ERAP1: variants seen among roughly 807,000 people sequenced by gnomAD.
ERAP1 encodes the protein adipocyte-derived leucine aminopeptidase.
A neutral mutation model predicts 103.7 loss-of-function variants in ERAP1; 86 were observed. The ratio of observed to expected loss-of-function variants is 0.83; its 90% CI spans 0.70 to 0.99. The LOEUF is 0.99. ERAP1 is among the 50% of genes least tolerant of loss of function. The pLI, the probability that ERAP1 is intolerant of heterozygous loss-of-function variation, is 0.00. For missense variants in ERAP1, 1,009 were observed against 1,128.4 expected, an observed-to-expected ratio of 0.89 and a Z score of 1.52; for synonymous variants, 398 against 402.4, an observed-to-expected ratio of 0.99 and a Z score of 0.13.
intron 3 of ERAP1, among the ~76,000 whole-genome samples, 167 bp downstream of exon 3, chr5:96,800,695 T>C (rs1231058138): frequency 6.6e-6 from 1 of 152,244 alleles, no homozygotes; most frequent in Non-Finnish European, 1.5e-5. Flanking sequence ...TGATTACATA[T>C]AACTATGGCT....
the ERAP1 span, among the ~76,000 whole-genome samples, chr5:96,861,281 T>C: frequency 6.6e-6 from 1 of 152,206 alleles, no homozygotes; most frequent in Non-Finnish European, 1.5e-5. Context: ...GACATCTTCA[T>C]GTTACAGAGG....
chr5:96,809,027 G>A (rs531610064), upstream of ERAP1, among the ~76,000 whole-genome samples: 6 of 152,348 alleles, frequency 3.9e-5, no homozygotes, highest in Non-Finnish European at 5.9e-5. Flanking sequence ...TATATGCTAA[G>A]CGGGGGAAAT....
Position 96,783,109 on chromosome 5 carries a change from A to G in ERAP1, c.2227T>C (p.Cys743Arg). ...LLACVHNYQP[C>R]VQRAEGYFRK... The stretch of plus-strand genomic sequence containing the variant: ...AAATAGCCTTCTGCCCTCTGTACGC[A>G]CGGCTGATAGTTGTGCACACAGGCG... Residue 743 changes from cysteine to arginine, a missense_variant, in exon 15 of 19, where the codon TGC (cysteine) becomes CGC (arginine). Coordinates refer to ENST00000443439, the MANE Select transcript of ERAP1 (RefSeq NM_001040458.3). 2 of 1,614,152 alleles carry G rather than the reference A, an allele frequency of 1.2e-6. No homozygotes were observed. The highest frequency in any genetic ancestry group is 2.2e-5 in the South Asian group (2 of 91,082).
chr5:96,806,528 C>A (rs1778609382), intron 1 of ERAP1, among the ~76,000 whole-genome samples: 1 of 152,048 alleles, frequency 6.6e-6, no homozygotes, highest in South Asian at 2.1e-4. Flanking sequence ...AAGAACCATT[C>A]ATGTAACTTT....
chr5:96,830,480 C>T, the ERAP1 span, among the ~76,000 whole-genome samples: 6 of 152,140 alleles, frequency 3.9e-5, no homozygotes, highest in African/African-American at 1.4e-4. Context: ...CTGGAAACAA[C>T]TCAAATGTTC....
At chr5:96,788,153 C>A (rs987629100) in intron 11 of ERAP1, among the ~76,000 whole-genome samples, 2 of 152,104 alleles carry the variant, frequency 1.3e-5, no homozygotes, top group African/African-American at 4.8e-5. Flanking sequence ...AGTCTCTCAT[C>A]ATTCTCGGAA....
upstream of ERAP1, among the ~76,000 whole-genome samples, chr5:96,809,417 G>A (rs1561301612): frequency 6.6e-6 from 1 of 152,096 alleles, no homozygotes; most frequent in Non-Finnish European, 1.5e-5. Flanking sequence ...CTTTTCATGC[G>A]GTTCTCAGAC....
At chr5:96,864,892 G>A in the ERAP1 span, among the ~76,000 whole-genome samples, 51 of 152,174 alleles carry the variant, frequency 3.4e-4, 1 homozygote, top group African/African-American at 1.2e-3. Flanking sequence ...ATAAAAAGGT[G>A]TGTCTTCAGT....
chr5:96,776,090 T>C lies in ERAP1; in HGVS notation c.*306A>G. ...AATGATAAACATGGGGTACAGGGTT[T>C]TGGACACGGGTGCTTAAGCATAAAC... On this transcript the variant is annotated 3_prime_UTR_variant, in exon 19 of 19. Transcript: ENST00000443439. 7.7e-7 allele frequency: 1 copy of C among 1,302,324 alleles called. No individual in the cohort carries two copies. Among genetic ancestry groups the C allele is most frequent in the Admixed American group, 2.6e-5 (1 of 38,956 alleles). 80.7% of individuals were successfully genotyped at this position (1,302,324 alleles called of 1,614,324 possible). A position where few individuals can be genotyped will look rare whatever the true frequency, so the allele number is the denominator to read the frequency against.
chr5:96,860,195 A>C, the ERAP1 span, among the ~76,000 whole-genome samples: 3 of 152,094 alleles, frequency 2.0e-5, no homozygotes, highest in African/African-American at 7.2e-5. Flanking sequence ...CTGGGATTAC[A>C]GGCGTGTGCC....
At chr5:96,866,838 A>G in the ERAP1 span, among the ~76,000 whole-genome samples, 1 of 152,116 alleles carries the variant, frequency 6.6e-6, no homozygotes, top group East Asian at 1.9e-4. Context: ...TCTATAAATA[A>G]ACCATTCTGA....
chr5:96,802,363 A>G (rs1778105023), intron 2 of ERAP1, among the ~76,000 whole-genome samples: 1 of 152,026 alleles, frequency 6.6e-6, no homozygotes, highest in Non-Finnish European at 1.5e-5. Context: ...CTTGTAAAAG[A>G]GAAAATATAA....
chr5:96,804,013 A>G lies in ERAP1; in HGVS notation c.-17-70T>C, dbSNP rs1174411218. The G allele has an allele frequency of 1.3e-5, 20 of 1,486,038 alleles. No individual in the cohort carries two copies. In the Admixed American group the frequency reaches 3.7e-4, roughly 28 times the overall value. 92.1% of individuals were successfully genotyped at this position (1,486,038 alleles called of 1,614,324 possible). A position where few individuals can be genotyped will look rare whatever the true frequency, so the allele number is the denominator to read the frequency against. On this transcript the variant is annotated intron_variant, in intron 1 of 18. Coordinates refer to ENST00000443439, the MANE Select transcript of ERAP1 (RefSeq NM_001040458.3). ...TGTTATTGACACAGCATAATTTCAGAATGTATCCACCCAGCATTCACAGAA... is the reference window on the plus strand; with the variant it reads ...TGTTATTGACACAGCATAATTTCAGGATGTATCCACCCAGCATTCACAGAA...
At position 96,800,992 on chromosome 5, in the gene ERAP1, G is replaced by A; in HGVS notation, c.533C>T (p.Ala178Val). Residue 178 changes from alanine to valine, a missense_variant, in exon 3 of 19, where the codon GCA (alanine) becomes GTA (valine). Physicochemically the swap from Ala to Val is moderately conservative, Grantham distance 64. Coordinates refer to ENST00000443439, the MANE Select transcript of ERAP1 (RefSeq NM_001040458.3). The part of the protein sequence containing the change: ...RTKEGELRIL[A>V]STQFEPTAAR... ...TGCAGTGGGTTCAAATTGTGTTGAT[G>A]CTAGTATCCTAAAATTAAGGCAAGT... is the stretch of plus-strand genomic sequence containing the variant. The A allele has an allele frequency of 6.2e-7, 1 of 1,614,040 alleles. No individual in the cohort carries two copies. The highest frequency in any genetic ancestry group is 8.5e-7 in the Non-Finnish European group (1 of 1,180,030).
At chr5:96,837,114 T>C in the ERAP1 span, among the ~76,000 whole-genome samples, 4 of 152,222 alleles carry the variant, frequency 2.6e-5, no homozygotes, top group Non-Finnish European at 5.9e-5. Flanking sequence ...CATGTTCATC[T>C]TTTTAGTGTA....
the ERAP1 span, among the ~76,000 whole-genome samples, chr5:96,824,298 C>A: frequency 2.0e-5 from 3 of 152,310 alleles, no homozygotes; most frequent in South Asian, 6.2e-4. Context: ...AATCCACTGG[C>A]AGCCTGGGTT....
chr5:96,782,888 T>C (rs2150911341), intron 15 of ERAP1, among the ~76,000 whole-genome samples, 163 bp downstream of exon 15: 1 of 152,300 alleles, frequency 6.6e-6, no homozygotes, highest in African/African-American at 2.4e-5. Context: ...TTTCTTAAAG[T>C]TACGAGATAC....
chr5:96,930,241 G>A, the ERAP1 span, among the ~76,000 whole-genome samples: 2 of 152,180 alleles, frequency 1.3e-5, no homozygotes, highest in Non-Finnish European at 2.9e-5. Context: ...ACCACATGGA[G>A]TGGTTCTGGC....
At chr5:96,811,240 G>C (rs1779136299), upstream of ERAP1, among the ~76,000 whole-genome samples, 1 of 152,080 alleles carries the variant, frequency 6.6e-6, no homozygotes, top group South Asian at 2.1e-4. Context: ...TCAGAAACAG[G>C]GAAGACGGTA....
Sources: gnomAD v4.1 joint callset for allele counts (sites outside exome capture counted in the v4.1 genomes callset) on GRCh38, gnomAD v4.1.1 for gene constraint, MANE v1.5 for transcripts, NCBI Gene and HGNC (gene_info 2026-07-23, HGNC 2026-07-21) for gene names.